The following VPS13A variants were observed in gnomAD, a reference collection of about 807,000 sequenced individuals.
The protein encoded by VPS13A is vacuolar protein sorting 13 homolog A.
VPS13A carries 264 observed loss-of-function variants against 390.9 expected under a neutral mutation model. That is an observed-to-expected ratio of 0.68 (90% CI 0.61 to 0.75). The LOEUF (loss-of-function observed/expected upper bound fraction) is 0.75, where lower values mean the gene tolerates loss of function less well. Ranked by LOEUF, VPS13A falls within the 30% of genes least tolerant of loss-of-function variation. The pLI is 0.00. For missense variants in VPS13A, 3,409 were observed against 3,733.9 expected, an observed-to-expected ratio of 0.91 and a Z score of 2.27; for synonymous variants, 1,231 against 1,227.1, an observed-to-expected ratio of 1.00 and a Z score of -0.07.
At chr9:77,217,890 A>G (rs1822951071) in intron 10 of VPS13A, among the ~76,000 whole-genome samples, 1 of 151,604 alleles carries the variant, frequency 6.6e-6, no homozygotes, top group Non-Finnish European at 1.5e-5. Flanking sequence ...TGAAGTATCC[A>G]TACTGTTTTC....
At chr9:77,185,460 GTAGA>G (rs1824274330) in intron 1 of VPS13A, among the ~76,000 whole-genome samples, 1 of 152,114 alleles carries the variant, frequency 6.6e-6, no homozygotes, top group Admixed American at 6.5e-5. Context: ...CCCTTTCTAG[GTAGA>G]TAGTGTCATT....
At chr9:77,401,920 T>C (rs1232705899) in intron 68 of VPS13A, among the ~76,000 whole-genome samples, 2 of 152,186 alleles carry the variant, frequency 1.3e-5, no homozygotes, top group South Asian at 2.1e-4. Flanking sequence ...CTGTGCCTAA[T>C]TGATAAATTA....
chr9:77,288,714 A>G (rs1827480878), intron 31 of VPS13A, among the ~76,000 whole-genome samples: 1 of 152,188 alleles, frequency 6.6e-6, no homozygotes, highest in African/African-American at 2.4e-5. Flanking sequence ...TTTCAAGTGT[A>G]CTTGAAATTA....
chr9:77,283,770 G>A (rs1441209715), intron 31 of VPS13A, 120 bp downstream of exon 31: 9 of 797,012 alleles, frequency 1.1e-5, no homozygotes, highest in Non-Finnish European at 1.8e-5. Flanking sequence ...TATGTGCATG[G>A]GTTTTGGAGT....
rs546863413 is a variant in VPS13A, at chr9:77,275,593, C to G, written c.2608C>G (p.Gln870Glu). The change falls in exon 25 of 72, where the codon CAA becomes GAA. Residue 870 changes from glutamine (Q) to glutamate (E), a missense_variant. Coordinates refer to ENST00000360280, the MANE Select transcript of VPS13A (RefSeq NM_033305.3). Reference protein sequence around the residue: ...GVKSIRTRKLQKQDCSVNMTT... With the variant: ...GVKSIRTRKLEKQDCSVNMTT... ...TAAAAGTATTCGAACCAGAAAGTTA[C>G]AAAAGCAGGATTGTTCAGTAAATAT... The G allele has an allele frequency of 6.2e-7, 1 of 1,613,634 alleles. No individual in the cohort carries two copies. The highest frequency in any genetic ancestry group is 1.1e-5 in the South Asian group (1 of 91,062).
intron 55 of VPS13A, among the ~76,000 whole-genome samples, chr9:77,357,316 C>CAAAAAA (rs1156801817): frequency 3.8e-4 from 17 of 44,592 alleles, no homozygotes; most frequent in East Asian, 9.1e-4. Context: ...GACTCTGTCT[C>CAAAAAA]AAAAAAAAAA....
At chr9:77,374,363 G>T (rs184460884) in intron 67 of VPS13A, among the ~76,000 whole-genome samples, 1 of 152,088 alleles carries the variant, frequency 6.6e-6, no homozygotes, top group Non-Finnish European at 1.5e-5. Flanking sequence ...TAAAATAAAC[G>T]TTACTTGAAC....
intron 21 of VPS13A, among the ~76,000 whole-genome samples, chr9:77,250,532 A>G (rs1481067903): frequency 1.3e-5 from 2 of 152,174 alleles, no homozygotes; most frequent in Non-Finnish European, 2.9e-5. Flanking sequence ...AGTCCCTCAT[A>G]ATAAATATCA....
intron 22 of VPS13A, among the ~76,000 whole-genome samples, chr9:77,259,609 A>G (rs577526630): frequency 4.6e-5 from 7 of 152,320 alleles, no homozygotes; most frequent in South Asian, 4.1e-4. Context: ...TAAAAGAATA[A>G]TAAAGCACTC....
At position 77,177,665 on chromosome 9, in the gene VPS13A, G is replaced by C; in HGVS notation, c.-40G>C. On this transcript the variant is annotated 5_prime_UTR_variant, in exon 1 of 72. Transcript: ENST00000360280. Reference sequence around the variant, plus strand: ...CGTGGGGAAGGCGGCGGGAGGAGGAGCGCACGGGCCGGCTGCCGTGCCCAC... The same window carrying C: ...CGTGGGGAAGGCGGCGGGAGGAGGACCGCACGGGCCGGCTGCCGTGCCCAC... The C allele has an allele frequency of 1.3e-6, 2 of 1,583,312 alleles. No homozygotes were observed. The highest frequency in any genetic ancestry group is 2.2e-5 in the South Asian group (2 of 90,438).
At chr9:77,179,783 A>G (rs1242003143) in intron 1 of VPS13A, among the ~76,000 whole-genome samples, 1 of 151,312 alleles carries the variant, frequency 6.6e-6, no homozygotes, top group African/African-American at 2.4e-5. Context: ...ACAAAATTGT[A>G]CAACCATCAC....
At chr9:77,388,541 G>A (rs1455509432) in intron 68 of VPS13A, among the ~76,000 whole-genome samples, 3 of 151,734 alleles carry the variant, frequency 2.0e-5, no homozygotes, top group Admixed American at 6.6e-5. Context: ...TAAAACACAC[G>A]TTTAACAGTG....
At position 77,228,129 on chromosome 9, in the gene VPS13A, C is replaced by T; in HGVS notation, c.1460C>T (p.Ala487Val). Residue 487 changes from alanine (A) to valine (V), a missense_variant, in exon 17 of 72, where the codon GCC (alanine) becomes GTC (valine). Physicochemically the swap from Ala to Val is moderately conservative, Grantham distance 64 (BLOSUM62 0). Around this residue, in one of 5 missense-constraint regions of VPS13A, gnomAD observed 2,717 missense variants for 2,917.4 expected, o/e 0.93. Coordinates refer to ENST00000360280, the MANE Select transcript of VPS13A (RefSeq NM_033305.3). ...VDPTLLKTFE[A>V]LKFFVHLKSM... is the part of the protein sequence containing the mutation. ...CTTCTGAATATACCTTAGTTTGAAG[C>T]CTTGAAGTTTTTTGTCCACTTGAAA... The T allele has an allele frequency of 6.3e-7, 1 of 1,597,850 alleles. No homozygotes were observed. Among genetic ancestry groups the T allele is most frequent in the East Asian group, 2.2e-5 (1 of 44,458 alleles).
At chr9:77,334,587 TG>T (rs1563933530) in intron 46 of VPS13A, among the ~76,000 whole-genome samples, 2 of 152,122 alleles carry the variant, frequency 1.3e-5, no homozygotes, top group African/African-American at 4.8e-5. Context: ...TCTAAACATA[TG>T]TTTTTTGGTA....
At chr9:77,271,638 A>G (rs1826359747) in intron 23 of VPS13A, among the ~76,000 whole-genome samples, 1 of 152,198 alleles carries the variant, frequency 6.6e-6, no homozygotes, top group Non-Finnish European at 1.5e-5. Flanking sequence ...AAAAATACTA[A>G]TACATGTAGC....
rs1834471684 is a variant in VPS13A at position 77,403,435 on chromosome 9, T to A, written c.9275+114T>A. 3.4e-6 allele frequency: 3 copies of A among 878,872 alleles called. No individual in the cohort carries two copies. The South Asian group carries it at 4.2e-5, about 12-fold the overall frequency. The allele number at this position is 878,872 out of a possible 1,614,324, so 54.4% of individuals were successfully genotyped here. Reference sequence around the variant, plus strand: ...CCATATAGTCACACTGATTCTTGGGTCTTCTTGCTCCACAAGCCTAACTCG... The same window carrying A: ...CCATATAGTCACACTGATTCTTGGGACTTCTTGCTCCACAAGCCTAACTCG... On this transcript the variant is annotated intron_variant, in intron 69 of 71. Coordinates refer to ENST00000360280, the MANE Select transcript of VPS13A (RefSeq NM_033305.3).
At chr9:77,358,946 C>G (rs1471776293) in intron 57 of VPS13A, among the ~76,000 whole-genome samples, 1 of 152,172 alleles carries the variant, frequency 6.6e-6, no homozygotes, top group Admixed American at 6.5e-5. Flanking sequence ...CCACCCCACA[C>G]CACTTCTTCT....
intron 17 of VPS13A, among the ~76,000 whole-genome samples, chr9:77,228,707 T>G (rs1020014694): frequency 1.3e-5 from 2 of 152,132 alleles, no homozygotes; most frequent in Admixed American, 6.5e-5. Flanking sequence ...TATTAGTCCA[T>G]TTTCATGCTG....
intron 1 of VPS13A, among the ~76,000 whole-genome samples, chr9:77,194,172 G>A (rs559389842): frequency 2.0e-5 from 3 of 152,228 alleles, no homozygotes; most frequent in Admixed American, 6.5e-5. Flanking sequence ...AAAACAGTGC[G>A]GGGAAGCTGT....
Sources: allele counts gnomAD v4.1 joint callset (sites outside exome capture counted in the v4.1 genomes callset), GRCh38; gene constraint gnomAD v4.1.1; regional missense constraint gnomAD v4.1.1; transcripts MANE v1.5; gene names NCBI Gene and HGNC (gene_info 2026-07-23, HGNC 2026-07-21).